MACROD2: variants seen among roughly 807,000 people sequenced by gnomAD.
MACROD2 encodes mono-ADP ribosylhydrolase 2.
MACROD2 carries 36 observed loss-of-function variants against 70.4 expected under a neutral mutation model. That is an observed-to-expected ratio of 0.51 (90% CI 0.39 to 0.68). The LOEUF is 0.68. Among genes scored for constraint, MACROD2 ranks in the 30% least tolerant of loss-of-function variants. MACROD2 has a pLI of 0.00. For synonymous variants in MACROD2, 172 were observed against 178.8 expected, an observed-to-expected ratio of 0.96 and a Z score of 0.30; for missense variants, 496 against 538.4, an observed-to-expected ratio of 0.92 and a Z score of 0.78.
intron 13 of MACROD2, among the ~76,000 whole-genome samples, chr20:15,968,823 A>G (rs1441689834): frequency 1.4e-5 from 2 of 141,932 alleles, no homozygotes; most frequent in Non-Finnish European, 3.1e-5. Flanking sequence ...ATATATATAT[A>G]TATATATATA....
rs2072709533 is a variant in MACROD2 at position 14,811,426 on chromosome 20, C to T, written c.418+126467C>T. Among the ~76,000 whole-genome samples, 2 of 152,012 alleles carry T rather than the reference C, an allele frequency of 1.3e-5. 1 individual carries two copies. Among genetic ancestry groups the T allele is most frequent in the African/African-American group, 4.8e-5 (2 of 41,372 alleles). ...CTGGACCCCTTCCTTACACCTTTTA[C>T]AAAATCAACTCAAGATGGATTAAAG... On this transcript the variant is annotated intron_variant, in intron 5 of 17. Coordinates refer to ENST00000684519, the MANE Select transcript of MACROD2 (RefSeq NM_001351661.2).
intron 9 of MACROD2, among the ~76,000 whole-genome samples, chr20:15,865,796 C>T (rs1209860024): frequency 6.6e-6 from 1 of 152,174 alleles, no homozygotes; most frequent in Non-Finnish European, 1.5e-5. Flanking sequence ...GGGAGCCCAG[C>T]CAGCAAGTGG....
At chr20:14,281,929 C>T (rs1288480039) in intron 3 of MACROD2, among the ~76,000 whole-genome samples, 2 of 96,936 alleles carry the variant, frequency 2.1e-5, no homozygotes, top group African/African-American at 7.3e-5. Context: ...AGCAGACTCC[C>T]TCTCAAAAAA....
rs551685949 is a variant in MACROD2 at position 14,051,350 on chromosome 20, T to G, written c.164-34271T>G. On this transcript the variant is annotated intron_variant, in intron 2 of 17. Transcript: ENST00000684519. ...GGTTACCTAAATAAGCCATTTAAAT[T>G]TACACATAATCTCCAACCTATACTT... 3.9e-5 allele frequency among the ~76,000 whole-genome samples: 6 copies of G among 152,272 alleles called. No homozygotes were observed. In the South Asian group the frequency reaches 1.2e-3, roughly 32 times the overall value.
At chr20:15,794,752 CAAGTT>C (rs202102348) in intron 8 of MACROD2, among the ~76,000 whole-genome samples, 332 of 152,256 alleles carry the variant, frequency 2.2e-3, no homozygotes, top group African/African-American at 7.2e-3. Context: ...CTTATGGCCT[CAAGTT>C]AAGCAGGCGG....
intron 5 of MACROD2, chr20:14,884,172 A>G (rs1309240037): frequency 6.6e-6 from 1 of 152,200 alleles, no homozygotes; most frequent in African/African-American, 2.4e-5. Flanking sequence ...CAGAAAAATC[A>G]TGACAATTTC....
At chr20:15,730,426 A>G (rs1212824861) in intron 8 of MACROD2, among the ~76,000 whole-genome samples, 1 of 152,188 alleles carries the variant, frequency 6.6e-6, no homozygotes, top group Non-Finnish European at 1.5e-5. Flanking sequence ...CTTGTCTGAA[A>G]AGAATCTTAC....
intron 5 of MACROD2, among the ~76,000 whole-genome samples, chr20:14,776,227 G>A (rs1325012988): frequency 2.0e-5 from 3 of 151,928 alleles, no homozygotes; most frequent in Admixed American, 1.3e-4. Flanking sequence ...AGTGGGTTTG[G>A]GGTTTCGTAG....
rs545310534 is a variant in MACROD2, at chr20:15,477,364, C to A, written c.572-22410C>A. ...TCTACACATATTTTACAGCTGTGAA[C>A]CTCCATGCCCAGCCTGGTGTATTAT... On this transcript the variant is annotated intron_variant, in intron 7 of 17. Transcript: ENST00000684519. Among the ~76,000 whole-genome samples, 4 of 152,234 alleles carry A rather than the reference C, an allele frequency of 2.6e-5. No individual in the cohort carries two copies. In the South Asian group the frequency reaches 8.3e-4, roughly 32 times the overall value.
intron 8 of MACROD2, among the ~76,000 whole-genome samples, chr20:15,838,232 A>G (rs943756757): frequency 6.6e-6 from 1 of 152,162 alleles, no homozygotes; most frequent in African/African-American, 2.4e-5. Context: ...ATAAGGAACA[A>G]AGTAAACAAT....
At chr20:14,581,641 TGGA>T (rs902753677) in intron 4 of MACROD2, among the ~76,000 whole-genome samples, 2 of 152,236 alleles carry the variant, frequency 1.3e-5, no homozygotes, top group African/African-American at 4.8e-5. Flanking sequence ...TTGATTTCTG[TGGA>T]CACTTTGATG....
intron 8 of MACROD2, among the ~76,000 whole-genome samples, chr20:15,527,040 T>C (rs2047731219): frequency 6.6e-6 from 1 of 152,230 alleles, no homozygotes; most frequent in South Asian, 2.1e-4. Context: ...AAATATTATG[T>C]AAAATAAAAC....
At chr20:15,582,431 T>C (rs1213010657) in intron 8 of MACROD2, among the ~76,000 whole-genome samples, 2 of 152,224 alleles carry the variant, frequency 1.3e-5, no homozygotes, top group East Asian at 3.8e-4. Context: ...CTCTTGGCAT[T>C]TTCCTTGACC....
At chr20:14,514,835 A>G (rs2085073457) in intron 4 of MACROD2, among the ~76,000 whole-genome samples, 1 of 152,170 alleles carries the variant, frequency 6.6e-6, no homozygotes, top group Non-Finnish European at 1.5e-5. Flanking sequence ...AGCCTCTTCT[A>G]GGACTTCCAT....
At chr20:15,383,785 C>T (rs567210263) in intron 6 of MACROD2, among the ~76,000 whole-genome samples, 4 of 152,112 alleles carry the variant, frequency 2.6e-5, no homozygotes, top group African/African-American at 9.6e-5. Context: ...TTTCATTTTC[C>T]AAGTCATTTA....
At chr20:15,309,668 C>A (rs904393435) in intron 6 of MACROD2, among the ~76,000 whole-genome samples, 2 of 152,026 alleles carry the variant, frequency 1.3e-5, no homozygotes, top group Non-Finnish European at 2.9e-5. Flanking sequence ...AATAACAAGA[C>A]AGAATATCTC....
chr20:14,917,704 A>C (rs1415671885), intron 5 of MACROD2, among the ~76,000 whole-genome samples: 1 of 152,170 alleles, frequency 6.6e-6, no homozygotes, highest in Admixed American at 6.5e-5. Context: ...GACATCCACG[A>C]AACCCAAAAG....
intron 8 of MACROD2, among the ~76,000 whole-genome samples, chr20:15,703,342 G>A (rs2050487508): frequency 6.6e-6 from 1 of 152,154 alleles, no homozygotes; most frequent in Admixed American, 6.5e-5. Context: ...AATGGAGATA[G>A]CAATGGGCTT....
intron 5 of MACROD2, among the ~76,000 whole-genome samples, chr20:15,182,077 A>C (rs2076504795): frequency 6.6e-6 from 1 of 152,228 alleles, no homozygotes; most frequent in Non-Finnish European, 1.5e-5. Context: ...TGAAAATCTG[A>C]AACCAGATTT....
Sources: gnomAD v4.1 joint callset for allele counts (sites outside exome capture counted in the v4.1 genomes callset) on GRCh38, gnomAD v4.1.1 for gene constraint, MANE v1.5 for transcripts, NCBI Gene and HGNC (gene_info 2026-07-23, HGNC 2026-07-21) for gene names.